The following TENM2 variants were observed in gnomAD, a reference collection of about 807,000 sequenced individuals.
TENM2 encodes the protein teneurin transmembrane protein 2.
In TENM2, 52 loss-of-function variants were observed where a neutral mutation model predicts 245.2. The observed-to-expected ratio is 0.21, with a 90% CI of 0.17 to 0.27. The LOEUF (loss-of-function observed/expected upper bound fraction) is 0.27. TENM2 is among the 10% of genes least tolerant of loss of function. TENM2 has a pLI of 1.00. For missense variants in TENM2, 3,046 were observed against 3,666.8 expected, an observed-to-expected ratio of 0.83 and a Z score of 4.37; for synonymous variants, 1,363 against 1,438.9, an observed-to-expected ratio of 0.95 and a Z score of 1.19.
At chr5:168,238,253 A>AGAAAG (rs1765749051) in intron 25 of TENM2, among the ~76,000 whole-genome samples, 2 of 146,858 alleles carry the variant, frequency 1.4e-5, no homozygotes, top group African/African-American at 5.1e-5. Flanking sequence ...AGAAAAGAAA[A>AGAAAG]GAAAAGAAAA....
the TENM2 span, among the ~76,000 whole-genome samples, chr5:166,992,213 A>G: frequency 6.6e-6 from 1 of 152,180 alleles, no homozygotes; most frequent in Non-Finnish European, 1.5e-5. Flanking sequence ...AGACCATAAG[A>G]AGGAATATAT....
chr5:167,862,571 T>C (rs1771918712), intron 2 of TENM2, among the ~76,000 whole-genome samples: 1 of 152,204 alleles, frequency 6.6e-6, no homozygotes, highest in Admixed American at 6.5e-5. Context: ...CCCTTCATGC[T>C]TCTTTGTGCC....
intron 4 of TENM2, among the ~76,000 whole-genome samples, chr5:167,988,259 T>C (rs1187529751): frequency 6.6e-6 from 1 of 152,180 alleles, no homozygotes; most frequent in Non-Finnish European, 1.5e-5. Context: ...ATTTTGGTCT[T>C]GGAAAAGGTT....
At chr5:167,310,618 TAAAACA>T (rs1755974320) in intron 1 of TENM2, among the ~76,000 whole-genome samples, 1 of 151,914 alleles carries the variant, frequency 6.6e-6, no homozygotes, top group Non-Finnish European at 1.5e-5. Flanking sequence ...AAAAACAAAA[TAAAACA>T]AAAACAAAAA....
At position 167,470,002 on chromosome 5, in the gene TENM2, C is replaced by G. The variant is rs759351107; in HGVS notation, c.502+94529C>G. ...AATATTTTCCAGATATAACTCACTTCAAATAATTTCTCTTTACGAGTTGAA... is the reference window on the plus strand; with the variant it reads ...AATATTTTCCAGATATAACTCACTTGAAATAATTTCTCTTTACGAGTTGAA... On this transcript the variant is annotated intron_variant, in intron 2 of 28. Coordinates refer to ENST00000518659, the Ensembl canonical transcript of TENM2. Among the ~76,000 whole-genome samples, 116 of 152,092 alleles carry G rather than the reference C, an allele frequency of 7.6e-4. 2 individuals are homozygous for G. Among genetic ancestry groups the G allele is most frequent in the Non-Finnish European group, 1.6e-4 (11 of 67,976 alleles).
chr5:167,595,392 C>T (rs1379279633), intron 2 of TENM2, among the ~76,000 whole-genome samples: 3 of 152,158 alleles, frequency 2.0e-5, no homozygotes, highest in East Asian at 3.9e-4. Flanking sequence ...AAATGACTTA[C>T]TCAGCAAATT....
At chr5:167,375,465 A>T (rs1253847752) in exon 2 of TENM2, 1 of 1,551,714 alleles carries the variant, frequency 6.4e-7, no homozygotes, top group East Asian at 2.4e-5. Context: ...AAATCAGATG[A>T]TGAGAACGGT....
chr5:167,006,070 C>T, the TENM2 span, among the ~76,000 whole-genome samples: 3 of 152,072 alleles, frequency 2.0e-5, no homozygotes, highest in Non-Finnish European at 4.4e-5. Flanking sequence ...TGTAGACTAG[C>T]CTTTCTAATC....
intron 2 of TENM2, among the ~76,000 whole-genome samples, chr5:167,592,338 G>C (rs768231842): frequency 2.0e-5 from 3 of 152,166 alleles, no homozygotes; most frequent in Non-Finnish European, 4.4e-5. Flanking sequence ...CCTCCTGGAA[G>C]AGAAGCCCCA....
intron 2 of TENM2, among the ~76,000 whole-genome samples, chr5:167,854,761 G>A (rs1339455454): frequency 6.6e-6 from 1 of 152,128 alleles, no homozygotes; most frequent in Non-Finnish European, 1.5e-5. Context: ...CTTTAAATAT[G>A]TATATTCATG....
chr5:168,222,836 C>T (rs1321089494), intron 23 of TENM2, among the ~76,000 whole-genome samples: 1 of 152,214 alleles, frequency 6.6e-6, no homozygotes, highest in East Asian at 1.9e-4. Flanking sequence ...CTTCAGCTAG[C>T]ATGAGTGCAA....
intron 2 of TENM2, among the ~76,000 whole-genome samples, chr5:167,733,734 A>G (rs1243120981): frequency 6.6e-6 from 1 of 152,246 alleles, no homozygotes; most frequent in African/African-American, 2.4e-5. Flanking sequence ...GCTTAAGACC[A>G]GAAAACTAGC....
At chr5:167,639,286 C>G (rs1028377461) in intron 2 of TENM2, among the ~76,000 whole-genome samples, 1 of 152,146 alleles carries the variant, frequency 6.6e-6, no homozygotes, top group Non-Finnish European at 1.5e-5. Context: ...AGAAAACATT[C>G]ATTTAAAGGT....
upstream of TENM2, among the ~76,000 whole-genome samples, chr5:167,282,990 T>G (rs1055319255): frequency 1.3e-5 from 2 of 152,160 alleles, no homozygotes; most frequent in Non-Finnish European, 1.5e-5. Flanking sequence ...TGCTTTCTTA[T>G]GAGCAACTGA....
At chr5:167,265,742 G>C in the TENM2 span, among the ~76,000 whole-genome samples, 1 of 152,068 alleles carries the variant, frequency 6.6e-6, no homozygotes, top group Admixed American at 6.6e-5. Flanking sequence ...ATCTGATTAT[G>C]TCCAGAGTTT....
At chr5:167,078,484 AAACAAC>A in the TENM2 span, among the ~76,000 whole-genome samples, 4,585 of 54,780 alleles carry the variant, frequency 0.084, 344 homozygotes, top group East Asian at 0.38. Context: ...ACTCTGTCTC[AAACAAC>A]AACAACAACA....
Position 168,204,352 on chromosome 5 carries a change from C to G in TENM2, c.3575-20C>G, listed in dbSNP as rs774863676. 6.2e-7 allele frequency: 1 copy of G among 1,606,728 alleles called. No individual in the cohort carries two copies. Among genetic ancestry groups the G allele is most frequent in the Non-Finnish European group, 8.5e-7 (1 of 1,174,814 alleles). On this transcript the variant is annotated intron_variant, in intron 18 of 28. Coordinates refer to ENST00000518659, the Ensembl canonical transcript of TENM2. Reference sequence around the variant, plus strand: ...CCCCAGAGGGCTTCAGTAACCCCTCCCATTCTCCAACCCCCACAGGAATCC... The same window carrying G: ...CCCCAGAGGGCTTCAGTAACCCCTCGCATTCTCCAACCCCCACAGGAATCC...
At position 167,375,356 on chromosome 5, in the gene TENM2, A is replaced by G. The variant is rs372753429; in HGVS notation, c.385A>G (p.Ile129Val). The G allele has an allele frequency of 7.1e-6, 11 of 1,551,720 alleles. No individual in the cohort carries two copies. The East Asian group carries it at 1.7e-4, about 24-fold the overall frequency. ...GGGAGGGATGTCTCCAGAACACGCC[A>G]TCAGACTGTGGGGCAGAGGGATAAA... is the stretch of plus-strand genomic sequence containing the variant. Residue 129 changes from isoleucine (I) to valine (V), a missense_variant, in exon 2 of 29, where the codon ATC becomes GTC. Around this residue, in one of 2 missense-constraint regions of TENM2, gnomAD observed 342 missense variants for 335.0 expected, o/e 1.02. Transcript: ENST00000518659.
At chr5:167,061,678 ATCAT>A in the TENM2 span, among the ~76,000 whole-genome samples, 1 of 152,294 alleles carries the variant, frequency 6.6e-6, no homozygotes, top group East Asian at 1.9e-4. Context: ...CATCAAAAGG[ATCAT>A]TCAATCAGTC....
Sources: allele counts gnomAD v4.1 joint callset (sites outside exome capture counted in the v4.1 genomes callset), GRCh38; gene constraint gnomAD v4.1.1; regional missense constraint gnomAD v4.1.1; transcripts MANE v1.5; gene names NCBI Gene and HGNC (gene_info 2026-07-23, HGNC 2026-07-21).